SPTBN1: variants seen among roughly 807,000 people sequenced by gnomAD.
The protein encoded by SPTBN1 is spectrin beta chain, non-erythrocytic 1.
A neutral mutation model predicts 266.4 loss-of-function variants in SPTBN1; 32 were observed. That is an observed-to-expected ratio of 0.12 (90% CI 0.09 to 0.16). SPTBN1 has a LOEUF of 0.16. Among genes scored for constraint, SPTBN1 ranks in the 10% least tolerant of loss-of-function variants. The pLI is 1.00. For missense variants in SPTBN1, 2,296 were observed against 3,067.1 expected (o/e 0.75, Z 5.94); for synonymous variants, 1,336 against 1,162.2 (o/e 1.15, Z -3.04).
At chr2:54,660,559 A>G in intron 32 of SPTBN1, 2 of 985,816 alleles carry the variant, frequency 2.0e-6, no homozygotes, top group South Asian at 9.4e-5. Flanking sequence ...ACCTAAAGTC[A>G]GCTGTGTAAC....
chr2:54,595,914 A>C (rs1051701882), intron 2 of SPTBN1, among the ~76,000 whole-genome samples: 1 of 152,166 alleles, frequency 6.6e-6, no homozygotes, highest in Non-Finnish European at 1.5e-5. Context: ...CAAACTGCTA[A>C]ATGTGCCGAG....
chr2:54,514,487 A>T (rs1223812849), intron 1 of SPTBN1, among the ~76,000 whole-genome samples: 2 of 152,158 alleles, frequency 1.3e-5, no homozygotes, highest in African/African-American at 4.8e-5. Context: ...TACAGGAAAG[A>T]GGTTTATCTC....
At chr2:54,493,414 G>GGGGT (rs1668796129) in intron 1 of SPTBN1, among the ~76,000 whole-genome samples, 1 of 150,758 alleles carries the variant, frequency 6.6e-6, no homozygotes, top group African/African-American at 2.4e-5. Context: ...TTCTTTTTTG[G>GGGGT]GGGGTTGGGG....
chr2:54,603,095 GC>G (rs990525123), intron 3 of SPTBN1, among the ~76,000 whole-genome samples: 2 of 152,126 alleles, frequency 1.3e-5, no homozygotes, highest in African/African-American at 4.8e-5. Context: ...CAGATGAATG[GC>G]CCCAGAGCCC....
At chr2:54,658,289 G>C (rs1403161122) in intron 30 of SPTBN1, among the ~76,000 whole-genome samples, 1 of 152,090 alleles carries the variant, frequency 6.6e-6, no homozygotes, top group Non-Finnish European at 1.5e-5. Flanking sequence ...GTAGCTTCCT[G>C]CCTGGGGGTT....
At chr2:54,614,081 G>C (rs933378921) in intron 4 of SPTBN1, among the ~76,000 whole-genome samples, 5 of 152,184 alleles carry the variant, frequency 3.3e-5, no homozygotes, top group South Asian at 4.1e-4. Flanking sequence ...TGTAAATGCT[G>C]ATGTGTATTT....
chr2:54,575,159 TTTTTG>T (rs1157907333), intron 2 of SPTBN1, among the ~76,000 whole-genome samples: 2 of 152,234 alleles, frequency 1.3e-5, no homozygotes, highest in Admixed American at 1.3e-4. Flanking sequence ...TTTGAGGTTT[TTTTTG>T]TTTTGTTTTA....
At position 54,629,327 on chromosome 2, in the gene SPTBN1, G is replaced by T. The variant is rs781573498; in HGVS notation, c.2193G>T (p.Gln731His). Residue 731 changes from glutamine (Q) to histidine (H), a missense_variant, in exon 14 of 36, where the codon CAG becomes CAT. Transcript: ENST00000356805. ...GGGAGCAGTGGGCCAACCTAGAGCA[G>T]CTCTCGGCCATTCGGAAGAAGCGCC... ...YIREQWANLE[Q>H]LSAIRKKRLE... 1 of 1,614,062 alleles carries T rather than the reference G, an allele frequency of 6.2e-7. No homozygotes were observed. Among genetic ancestry groups the T allele is most frequent in the South Asian group, 1.1e-5 (1 of 91,076 alleles).
chr2:54,646,425 G>T lies in SPTBN1; in HGVS notation c.4816G>T (p.Ala1606Ser). ...QYYFDAAEAE[A>S]WMSEQELYMM... is the part of the protein sequence containing the mutation. ...CTACTTTGACGCTGCTGAGGCCGAA[G>T]CCTGGATGAGCGAGCAGGAGCTGTA... Residue 1606 changes from alanine (A) to serine (S), a missense_variant, in exon 23 of 36, where the codon GCC (alanine) becomes TCC (serine). By Grantham distance (99) the Ala-to-Ser change is moderately conservative. This residue lies in a region of SPTBN1 where 644 missense variants were observed against 745.3 expected (regional missense o/e 0.86). Coordinates refer to ENST00000356805, the MANE Select transcript of SPTBN1 (RefSeq NM_003128.3). The surrounding 1 kb of genome is among the most constrained non-coding windows in gnomAD (Gnocchi z 4.4). The T allele has an allele frequency of 1.9e-6, 3 of 1,590,520 alleles. No individual in the cohort carries two copies. Among genetic ancestry groups the T allele is most frequent in the Non-Finnish European group, 2.6e-6 (3 of 1,168,540 alleles).
At position 54,649,860 on chromosome 2, in the gene SPTBN1, G is replaced by T; in HGVS notation, c.5448G>T (p.Glu1816Asp). Reference protein sequence around the residue: ...ELHKFYHDAKEIFGRIQDKHK... With the variant: ...ELHKFYHDAKDIFGRIQDKHK... ...ACAAGTTTTACCACGATGCCAAGGA[G>T]ATCTTTGGGCGTATACAGGACAAAC... Residue 1816 changes from glutamate (E) to aspartate (D), a missense_variant, in exon 26 of 36, where the codon GAG becomes GAT. Glu to Asp is a conservative substitution (Grantham distance 45). Transcript: ENST00000356805. The surrounding 1 kb of genome is among the most constrained non-coding windows in gnomAD (Gnocchi z 6.7). 1 of 1,614,222 alleles carries T rather than the reference G, an allele frequency of 6.2e-7. No individual in the cohort carries two copies. Among genetic ancestry groups the T allele is most frequent in the Non-Finnish European group, 8.5e-7 (1 of 1,180,042 alleles).
chr2:54,476,649 G>A (rs1340135146), intron 1 of SPTBN1, among the ~76,000 whole-genome samples: 2 of 152,164 alleles, frequency 1.3e-5, no homozygotes, highest in African/African-American at 4.8e-5. Flanking sequence ...TCGGATGCAG[G>A]TTTTGTTGAA....
intron 7 of SPTBN1, among the ~76,000 whole-genome samples, chr2:54,619,998 A>C (rs761671085): frequency 4.6e-5 from 7 of 152,316 alleles, no homozygotes; most frequent in Non-Finnish European, 7.4e-5. Context: ...ATCTGTTAAG[A>C]GCTGTCCTTT....
chr2:54,625,958 A>C lies in SPTBN1; in HGVS notation c.1368A>C (p.Ala456=). 3.1e-6 allele frequency: 5 copies of C among 1,613,898 alleles called. No individual in the cohort carries two copies. The highest frequency in any genetic ancestry group is 4.2e-6 in the Non-Finnish European group (5 of 1,179,812). Residue 456 remains alanine (A), a synonymous_variant, in exon 12 of 36, where the codon GCA becomes GCC. Transcript: ENST00000356805. ...ACAACTTTGGGTTTGACCTTCCTGC[A>C]GTTGAGGCCGCCACAAAAAAGCACG... The part of the protein sequence containing the change: ...SQDNFGFDLP[A]VEAATKKHEA...
At chr2:54,650,113 A>G (rs926295114) in intron 26 of SPTBN1, 124 bp downstream of exon 26, 16 of 1,245,136 alleles carry the variant, frequency 1.3e-5, no homozygotes, top group Non-Finnish European at 1.5e-5. Flanking sequence ...AAGCACATAC[A>G]TGTACCCACT....
intron 2 of SPTBN1, among the ~76,000 whole-genome samples, chr2:54,597,378 A>T (rs1427971424): frequency 6.6e-6 from 1 of 152,188 alleles, no homozygotes; most frequent in African/African-American, 2.4e-5. Context: ...ACCTGTCATG[A>T]TGTTATTGGT....
At chr2:54,601,658 G>T (rs1488162770) in intron 3 of SPTBN1, among the ~76,000 whole-genome samples, 1 of 152,176 alleles carries the variant, frequency 6.6e-6, no homozygotes, top group Non-Finnish European at 1.5e-5. Context: ...ACTCTATCTG[G>T]AGCCCAGTCT....
intron 35 of SPTBN1, 122 bp downstream of exon 35, chr2:54,667,768 G>T: frequency 3.5e-6 from 3 of 858,014 alleles, no homozygotes; most frequent in Non-Finnish European, 5.7e-6. Context: ...CTATCACTGG[G>T]CTCCAGTCAC....
intron 2 of SPTBN1, among the ~76,000 whole-genome samples, chr2:54,551,715 T>C (rs1380663888): frequency 2.6e-5 from 4 of 151,942 alleles, no homozygotes; most frequent in African/African-American, 9.7e-5. Flanking sequence ...GATGGTTTTA[T>C]GGGTGTGGGG....
chr2:54,499,455 G>A (rs1447916810), intron 1 of SPTBN1, among the ~76,000 whole-genome samples: 2 of 152,174 alleles, frequency 1.3e-5, no homozygotes, highest in Admixed American at 6.6e-5. Flanking sequence ...ACAAGAAATG[G>A]ACATAATGGA....
Sources: allele counts gnomAD v4.1 joint callset (sites outside exome capture counted in the v4.1 genomes callset), GRCh38; gene constraint gnomAD v4.1.1; regional missense constraint gnomAD v4.1.1; non-coding constraint Gnocchi (gnomAD v3.1); transcripts MANE v1.5; gene names NCBI Gene and HGNC (gene_info 2026-07-23, HGNC 2026-07-21).